The following SAMHD1 variants were observed in gnomAD, a reference collection of about 807,000 sequenced individuals.
SAMHD1 encodes deoxynucleoside triphosphate triphosphohydrolase SAMHD1.
A neutral mutation model predicts 79.6 loss-of-function variants in SAMHD1; 54 were observed. The ratio of observed to expected loss-of-function variants is 0.68; its 90% CI spans 0.55 to 0.85. SAMHD1 has a LOEUF of 0.85. Ranked by LOEUF, SAMHD1 falls within the 40% of genes least tolerant of loss-of-function variation. The probability of loss-of-function intolerance (pLI) is 0.00; values close to 1 mark genes in which losing one functional copy is unlikely to be tolerated. For missense variants in SAMHD1, 663 were observed against 782.7 expected, an observed-to-expected ratio of 0.85 and a Z score of 1.82; for synonymous variants, 260 against 264.1, an observed-to-expected ratio of 0.98 and a Z score of 0.15.
rs999709360 is a variant in SAMHD1 at position 36,898,512 on chromosome 20, C to A, written c.1536G>T (p.Lys512Asn). The A allele has an allele frequency of 3.1e-6, 5 of 1,613,890 alleles. No individual in the cohort carries two copies. Among genetic ancestry groups the A allele is most frequent in the East Asian group, 4.5e-5 (2 of 44,882 alleles). The change falls in exon 14 of 16, where the codon AAG (lysine) becomes AAT (asparagine). Residue 512 changes from lysine to asparagine, a missense_variant. Physicochemically the swap from Lys to Asn is moderately conservative, Grantham distance 94 (BLOSUM62 0). Coordinates refer to ENST00000646673, the MANE Select transcript of SAMHD1 (RefSeq NM_015474.4). ...VINMDYGMQE[K>N]NPIDHVSFYC... is the part of the protein sequence containing the mutation. ...AGAAGCTAACATGATCAATTGGATT[C>A]TTTTCTTGCATTCCATAATCCATGT...
chr20:36,897,029 C>G (rs529254072), intron 15 of SAMHD1, among the ~76,000 whole-genome samples: 162 of 152,214 alleles, frequency 1.1e-3, no homozygotes, highest in Non-Finnish European at 1.6e-3. Flanking sequence ...CAGATCCTGC[C>G]CCTTCACCAG....
At chr20:36,948,372 C>T (rs985340785) in intron 1 of SAMHD1, among the ~76,000 whole-genome samples, 1 of 152,110 alleles carries the variant, frequency 6.6e-6, no homozygotes, top group Non-Finnish European at 1.5e-5. Context: ...CCTGCCTCAG[C>T]TTCCCAAGTA....
At chr20:36,942,739 C>A (rs561658634) in intron 2 of SAMHD1, among the ~76,000 whole-genome samples, 19 of 151,900 alleles carry the variant, frequency 1.3e-4, no homozygotes, top group Non-Finnish European at 2.4e-4. Context: ...CTCCACCTCC[C>A]GGGTTCACGC....
chr20:36,893,685 C>T, intron 15 of SAMHD1: 1 of 389,136 alleles, frequency 2.6e-6, no homozygotes. Flanking sequence ...CTGTTCTGAA[C>T]TTGTGGGTAG....
At chr20:36,916,907 A>G in intron 8 of SAMHD1, 42 bp downstream of exon 8, 4 of 1,572,514 alleles carry the variant, frequency 2.5e-6, no homozygotes, top group Non-Finnish European at 2.6e-6. Flanking sequence ...CTAAATTTAT[A>G]TAAATATTTT....
chr20:36,932,770 A>G (rs1370666268), intron 4 of SAMHD1, among the ~76,000 whole-genome samples: 1 of 151,978 alleles, frequency 6.6e-6, no homozygotes, highest in Non-Finnish European at 1.5e-5. Context: ...TTGTAAGATG[A>G]TAAGAGTTTT....
intron 13 of SAMHD1, among the ~76,000 whole-genome samples, chr20:36,902,885 G>A (rs929066463): frequency 6.6e-6 from 1 of 151,504 alleles, no homozygotes; most frequent in Admixed American, 6.6e-5. Flanking sequence ...TTATAGGCGC[G>A]CACCACCACA....
At chr20:36,937,883 G>A (rs1208035377) in intron 3 of SAMHD1, among the ~76,000 whole-genome samples, 2 of 148,258 alleles carry the variant, frequency 1.3e-5, no homozygotes, top group African/African-American at 5.0e-5. Flanking sequence ...TTTGAGACAG[G>A]GTCTCACTCT....
intron 4 of SAMHD1, among the ~76,000 whole-genome samples, chr20:36,932,463 T>G (rs1169995277): frequency 6.8e-6 from 1 of 146,458 alleles, no homozygotes; most frequent in East Asian, 2.0e-4. Context: ...TGTTTTTTTT[T>G]TTTTTTTTTT....
chr20:36,947,600 T>G (rs2063702741), intron 1 of SAMHD1, among the ~76,000 whole-genome samples: 2 of 147,840 alleles, frequency 1.4e-5, no homozygotes, highest in African/African-American at 2.5e-5. Flanking sequence ...GTTGTTGGGT[T>G]TTTTCCTTTC....
chr20:36,913,141 C>T (rs1166055692), intron 9 of SAMHD1, among the ~76,000 whole-genome samples: 12 of 150,174 alleles, frequency 8.0e-5, no homozygotes, highest in South Asian at 2.1e-4. Context: ...GGACTACAGG[C>T]GCCTGCCACC....
At chr20:36,947,185 A>G (rs1955243355) in intron 1 of SAMHD1, 1 of 237,358 alleles carries the variant, frequency 4.2e-6, no homozygotes, top group African/African-American at 2.3e-5. Context: ...TGAGTTGGGG[A>G]GGGAAGGAAA....
chr20:36,927,812 G>A (rs2063545781), intron 5 of SAMHD1, among the ~76,000 whole-genome samples: 1 of 152,070 alleles, frequency 6.6e-6, no homozygotes, highest in Admixed American at 6.6e-5. Context: ...TGATAAAAGG[G>A]CAGTTTTTGT....
At chr20:36,922,799 C>G (rs6130114) in intron 6 of SAMHD1, among the ~76,000 whole-genome samples, 33,180 of 151,592 alleles carry the variant, frequency 0.22, 4,284 homozygotes, top group East Asian at 0.45. Flanking sequence ...CCTGCCACCC[C>G]ACCATGCCTG....
intron 1 of SAMHD1, among the ~76,000 whole-genome samples, chr20:36,948,744 GT>G (rs2063711812): frequency 6.7e-6 from 1 of 149,740 alleles, no homozygotes; most frequent in Admixed American, 6.6e-5. Context: ...GTGGGCACCT[GT>G]AGTCACAGCT....
intron 2 of SAMHD1, among the ~76,000 whole-genome samples, chr20:36,942,753 T>A (rs2063655339): frequency 6.6e-6 from 1 of 151,938 alleles, no homozygotes; most frequent in Non-Finnish European, 1.5e-5. Flanking sequence ...TTCACGCCAT[T>A]CTCCCGCCTC....
intron 7 of SAMHD1, 36 bp from the exon 8 acceptor site, chr20:36,917,085 T>TAGGC (rs756140571): frequency 7.5e-7 from 1 of 1,330,182 alleles, no homozygotes. Flanking sequence ...AGTTTTAGGA[T>TAGGC]AGGCACCAAA....
At chr20:36,893,595 G>C (rs1990133510) in intron 15 of SAMHD1, 1 of 319,618 alleles carries the variant, frequency 3.1e-6, no homozygotes, top group Non-Finnish European at 5.7e-6. Context: ...ATAAGGGAGA[G>C]ATCCAAAGGG....
rs1568754785 is a variant in SAMHD1, at chr20:36,890,424, T to TTTCTTTTCC, written c.*2507_*2508insGGAAAAGAA. 12 of 151,390 alleles carry TTTCTTTTCC rather than the reference T, an allele frequency of 7.9e-5. No individual in the cohort carries two copies. Among genetic ancestry groups the TTTCTTTTCC allele is most frequent in the Non-Finnish European group, 2.9e-5 (2 of 67,910 alleles). 9.4% of individuals were successfully genotyped at this position (151,390 alleles called of 1,614,324 possible). On this transcript the variant is annotated 3_prime_UTR_variant, in exon 16 of 16. Transcript: ENST00000646673. ...TTTCTTTCTTTCTTTCTTTCTTTTC[T>TTTCTTTTCC]TTCTCTCTTTCCTTCCTTCCTTCCC...
Sources: allele counts gnomAD v4.1 joint callset (sites outside exome capture counted in the v4.1 genomes callset), GRCh38; gene constraint gnomAD v4.1.1; transcripts MANE v1.5; gene names NCBI Gene and HGNC (gene_info 2026-07-23, HGNC 2026-07-21).